CADM2: variants seen among roughly 807,000 people sequenced by gnomAD.
The protein encoded by CADM2 is cell adhesion molecule 2.
CADM2 carries 12 observed loss-of-function variants against 49.8 expected under a neutral mutation model. That is an observed-to-expected ratio of 0.24 (90% CI 0.15 to 0.39). The LOEUF (loss-of-function observed/expected upper bound fraction) is 0.39, where lower values mean the gene tolerates loss of function less well. CADM2 is among the 10% of genes least tolerant of loss of function. The pLI is 1.00. For synonymous variants in CADM2, 214 were observed against 175.4 expected (o/e 1.22, Z -1.74); for missense variants, 378 against 492.3 (o/e 0.77, Z 2.20).
chr3:85,950,754 A>C (rs1437760187), intron 7 of CADM2, among the ~76,000 whole-genome samples: 1 of 151,086 alleles, frequency 6.6e-6, no homozygotes, highest in Non-Finnish European at 1.5e-5. Flanking sequence ...CAAAGTTTAA[A>C]ATCTACTGGT....
intron 1 of CADM2, among the ~76,000 whole-genome samples, chr3:85,624,144 T>G (rs1033998499): frequency 6.6e-6 from 1 of 152,180 alleles, no homozygotes; most frequent in Non-Finnish European, 1.5e-5. Context: ...GAGAATCATT[T>G]TGTAACAGAT....
intron 1 of CADM2, among the ~76,000 whole-genome samples, chr3:85,099,473 T>TA (rs2037929615): frequency 1.3e-5 from 2 of 151,508 alleles, no homozygotes; most frequent in African/African-American, 4.8e-5. Context: ...AATTAAATTT[T>TA]TTTTTTTTTT....
At chr3:85,009,950 T>G (rs1041500412) in intron 1 of CADM2, among the ~76,000 whole-genome samples, 4 of 151,526 alleles carry the variant, frequency 2.6e-5, no homozygotes, top group African/African-American at 9.7e-5. Flanking sequence ...CTAAATAAGA[T>G]AAAGGATATT....
intron 3 of CADM2, among the ~76,000 whole-genome samples, chr3:85,873,271 A>C (rs546458606): frequency 1.3e-5 from 2 of 152,348 alleles, no homozygotes; most frequent in African/African-American, 4.8e-5. Context: ...CATGTAACTT[A>C]GTATAAATAG....
intron 1 of CADM2, among the ~76,000 whole-genome samples, chr3:85,534,127 A>G (rs1389720495): frequency 6.6e-6 from 1 of 152,138 alleles, no homozygotes; most frequent in South Asian, 2.1e-4. Context: ...TAGGAAAATA[A>G]TAATTTTTTT....
intron 1 of CADM2, among the ~76,000 whole-genome samples, chr3:85,313,215 C>T (rs2044388352): frequency 6.6e-6 from 1 of 152,158 alleles, no homozygotes; most frequent in Non-Finnish European, 1.5e-5. Context: ...CTGGTGGATA[C>T]ACAGAGAGTG....
chr3:85,040,929 C>T (rs957415855), intron 1 of CADM2, among the ~76,000 whole-genome samples: 13 of 152,012 alleles, frequency 8.6e-5, no homozygotes, highest in Admixed American at 7.9e-4. Context: ...TCAAACTCAT[C>T]GCACAATATC....
At chr3:85,001,107 A>G (rs896472262) in intron 1 of CADM2, among the ~76,000 whole-genome samples, 1 of 152,096 alleles carries the variant, frequency 6.6e-6, no homozygotes, top group Non-Finnish European at 1.5e-5. Context: ...AACAAATTGA[A>G]GTGAATCAAA....
Position 85,869,209 on chromosome 3 carries a change from C to T in CADM2, c.239-14082C>T, listed in dbSNP as rs900430139. On this transcript the variant is annotated intron_variant, in intron 3 of 9. Coordinates refer to ENST00000383699, the MANE Select transcript of CADM2 (RefSeq NM_001167675.2). Reference sequence around the variant, plus strand: ...GAAGCTCTACTAACTTCTTAAAGCTCGGCAATGAAGTGAAATATGTCACTT... The same window carrying T: ...GAAGCTCTACTAACTTCTTAAAGCTTGGCAATGAAGTGAAATATGTCACTT... Among the ~76,000 whole-genome samples, 25 of 152,062 alleles carry T rather than the reference C, an allele frequency of 1.6e-4. 1 individual carries two copies. Among genetic ancestry groups the T allele is most frequent in the African/African-American group, 6.0e-4 (25 of 41,414 alleles).
intron 6 of CADM2, among the ~76,000 whole-genome samples, chr3:85,925,963 C>A (rs1719779369): frequency 6.6e-6 from 1 of 151,770 alleles, no homozygotes; most frequent in Non-Finnish European, 1.5e-5. Context: ...CGGTGAAACC[C>A]CGTCTCTATT....
intron 1 of CADM2, among the ~76,000 whole-genome samples, chr3:85,036,770 AG>A (rs2035231172): frequency 1.3e-5 from 2 of 152,196 alleles, no homozygotes; most frequent in East Asian, 3.9e-4. Context: ...CTTTAATCTT[AG>A]GGGTAAGTAA....
intron 1 of CADM2, among the ~76,000 whole-genome samples, chr3:85,453,931 G>A (rs1481717715): frequency 6.6e-6 from 1 of 151,914 alleles, no homozygotes; most frequent in Non-Finnish European, 1.5e-5. Flanking sequence ...AACTAGAAAC[G>A]GCAATATTTT....
intron 1 of CADM2, among the ~76,000 whole-genome samples, chr3:85,694,396 A>G (rs183713592): frequency 8.7e-4 from 132 of 152,314 alleles, no homozygotes; most frequent in Admixed American, 3.0e-3. Context: ...CACAGCCAGA[A>G]GATGGACATC....
chr3:85,805,103 G>A (rs1008131507), intron 3 of CADM2, among the ~76,000 whole-genome samples: 10 of 152,034 alleles, frequency 6.6e-5, no homozygotes, highest in Admixed American at 1.3e-4. Flanking sequence ...ACCATGCCCA[G>A]CTAATTTTTT....
chr3:85,589,218 C>G (rs115014542), intron 1 of CADM2, among the ~76,000 whole-genome samples: 1,751 of 152,074 alleles, frequency 0.012, 32 homozygotes, highest in African/African-American at 0.04. Context: ...TTTTGCTTGA[C>G]TAACTGCCCA....
rs149042638 is a variant in CADM2 at position 84,977,700 on chromosome 3, T to C, written c.61+18032T>C. On this transcript the variant is annotated intron_variant, in intron 1 of 9. Transcript: ENST00000383699. Reference sequence around the variant, plus strand: ...AAAGTATTTTATTATTGGCTACATATGTTCAGATATAAAACTGGAAGAATA... The same window carrying C: ...AAAGTATTTTATTATTGGCTACATACGTTCAGATATAAAACTGGAAGAATA... Among the ~76,000 whole-genome samples the C allele has an allele frequency of 5.9e-5, 9 of 152,210 alleles. No individual in the cohort carries two copies. The East Asian group carries it at 1.5e-3, about 26-fold the overall frequency.
rs58178176 is a variant in CADM2, at chr3:85,990,013, CAAAAAAAAAAAAAAAAAA to C, written c.970+28380_970+28397del. Among the ~76,000 whole-genome samples the C allele has an allele frequency of 7.3e-4, 7 of 9,630 alleles. No individual in the cohort carries two copies. In the Admixed American group the frequency reaches 8.3e-3, roughly 11 times the overall value. The allele number at this position is 9,630 out of a possible 152,430, so 6.3% of individuals were successfully genotyped here. ...GGCGACAAGAGAGAAACTCCATGTC[CAAAAAAAAAAAAAAAAAA>C]AAAAAAAAAAAAAGAAGACTAATAA... On this transcript the variant is annotated intron_variant, in intron 8 of 9. Coordinates refer to ENST00000383699, the MANE Select transcript of CADM2 (RefSeq NM_001167675.2).
At chr3:85,111,205 T>G (rs911371266) in intron 1 of CADM2, among the ~76,000 whole-genome samples, 2 of 151,894 alleles carry the variant, frequency 1.3e-5, no homozygotes, top group Non-Finnish European at 2.9e-5. Flanking sequence ...TATGAGGTCT[T>G]TCTTATATTA....
intron 8 of CADM2, among the ~76,000 whole-genome samples, chr3:86,037,203 G>T (rs1735273306): frequency 6.6e-6 from 1 of 151,898 alleles, no homozygotes; most frequent in South Asian, 2.1e-4. Flanking sequence ...TTTCTACCAA[G>T]TGTTAGTTTC....
Sources: allele counts gnomAD v4.1 joint callset (sites outside exome capture counted in the v4.1 genomes callset), GRCh38; gene constraint gnomAD v4.1.1; transcripts MANE v1.5; gene names NCBI Gene and HGNC (gene_info 2026-07-23, HGNC 2026-07-21).